The following HACL2 variants were observed in gnomAD, a reference collection of about 807,000 sequenced individuals.
The protein encoded by HACL2 is 2-hydroxyacyl-CoA lyase 1 like.
chr19:15,119,177 A>T, the HACL2 span: 1 of 1,570,402 alleles, frequency 6.4e-7, no homozygotes, highest in Non-Finnish European at 8.6e-7. Context: ...TGCTAGGACA[A>T]TGACATCCGC....
the HACL2 span, chr19:15,124,955 G>A: frequency 6.2e-7 from 1 of 1,608,038 alleles, no homozygotes; most frequent in Non-Finnish European, 8.5e-7. Context: ...AGAGCCCCAG[G>A]CGGTGAGCGG....
At chr19:15,125,319 C>T in the HACL2 span, 5 of 512,378 alleles carry the variant, frequency 9.8e-6, no homozygotes, top group Non-Finnish European at 6.9e-6. Context: ...CACTCCCACC[C>T]AAACTAGCCA....
the HACL2 span, among the ~76,000 whole-genome samples, chr19:15,122,421 G>A: frequency 6.6e-6 from 1 of 152,092 alleles, no homozygotes; most frequent in African/African-American, 2.4e-5. This position sits in a 1 kb window ranked among gnomAD's most constrained non-coding sequence, Gnocchi z 4.0. Context: ...AGAGATGATG[G>A]AGGAGGAGAA....
chr19:15,123,515 C>A, the HACL2 span: 2 of 1,614,174 alleles, frequency 1.2e-6, no homozygotes, highest in Non-Finnish European at 1.7e-6. The surrounding 1 kb of genome is among the most constrained non-coding windows in gnomAD (Gnocchi z 5.1). Context: ...GAACCGCACA[C>A]CATGGGCCCT....
the HACL2 span, chr19:15,115,409 C>T: frequency 1.2e-6 from 2 of 1,613,774 alleles, no homozygotes; most frequent in Non-Finnish European, 1.7e-6. Flanking sequence ...GGCCCCCAGA[C>T]CCATGGCTGC....
At chr19:15,119,326 G>C in the HACL2 span, 1 of 1,603,900 alleles carries the variant, frequency 6.2e-7, no homozygotes, top group Non-Finnish European at 8.5e-7. Context: ...CAGAGCAGAG[G>C]TCAGTGTGGC....
the HACL2 span, chr19:15,115,069 G>A: frequency 1.4e-6 from 1 of 690,850 alleles, no homozygotes; most frequent in Non-Finnish European, 2.5e-6. Context: ...TCCGTGAAGA[G>A]GAGGGTCCAA....
At chr19:15,115,721 G>A in the HACL2 span, 8 of 1,585,932 alleles carry the variant, frequency 5.0e-6, no homozygotes, top group East Asian at 1.6e-4. Flanking sequence ...CCATGGCTTG[G>A]CCAGCCAGAG....
the HACL2 span, chr19:15,119,419 G>A: frequency 1.4e-4 from 232 of 1,614,104 alleles, no homozygotes; most frequent in African/African-American, 2.3e-3. Flanking sequence ...GCTTCTCACC[G>A]AAGCTTGTCG....
At chr19:15,121,735 G>C in the HACL2 span, among the ~76,000 whole-genome samples, 1 of 150,142 alleles carries the variant, frequency 6.7e-6, no homozygotes, top group South Asian at 2.1e-4. Flanking sequence ...CTTGAACCCA[G>C]GGGGAGGCGG....
the HACL2 span, chr19:15,123,034 G>T: frequency 6.2e-7 from 1 of 1,605,858 alleles, no homozygotes. This position sits in a 1 kb window ranked among gnomAD's most constrained non-coding sequence, Gnocchi z 5.1. Context: ...CCCGGTTCTG[G>T]CAAAGACAGA....
chr19:15,115,543 C>T, the HACL2 span: 1 of 1,607,790 alleles, frequency 6.2e-7, no homozygotes. Flanking sequence ...CCTGTCCTCC[C>T]AACCTCGCTG....
the HACL2 span, chr19:15,124,008 C>T: frequency 5.9e-6 from 1 of 170,836 alleles, no homozygotes; most frequent in South Asian, 1.4e-4. Context: ...CCTCCAGTAT[C>T]CTTGCAGAGC....
chr19:15,117,770 G>A, the HACL2 span: 2 of 1,251,294 alleles, frequency 1.6e-6, no homozygotes, highest in Non-Finnish European at 2.3e-6. Flanking sequence ...TACCCCTAGG[G>A]CAAGGTCTGG....
the HACL2 span, chr19:15,116,560 T>C: frequency 6.6e-7 from 1 of 1,526,102 alleles, no homozygotes; most frequent in South Asian, 1.1e-5. Context: ...GGGAGCTGGC[T>C]TCCTCCTGTT....
the HACL2 span, chr19:15,116,430 G>C: frequency 6.2e-7 from 1 of 1,613,900 alleles, no homozygotes; most frequent in Non-Finnish European, 8.5e-7. Flanking sequence ...TCCTTCTGCC[G>C]GTCGGCTTCC....
chr19:15,122,803 A>T, the HACL2 span: 1 of 1,613,950 alleles, frequency 6.2e-7, no homozygotes, highest in African/African-American at 1.3e-5. This position sits in a 1 kb window ranked among gnomAD's most constrained non-coding sequence, Gnocchi z 4.0. Context: ...CAAACACCGG[A>T]CCTGCAGGGA....
the HACL2 span, chr19:15,115,666 T>C: frequency 1.2e-6 from 2 of 1,613,314 alleles, no homozygotes; most frequent in Non-Finnish European, 1.7e-6. Flanking sequence ...AGGCCATCAC[T>C]GGGATCTACA....
the HACL2 span, chr19:15,117,863 G>A: frequency 6.2e-7 from 1 of 1,613,792 alleles, no homozygotes; most frequent in Non-Finnish European, 8.5e-7. Context: ...ATGTGTACGG[G>A]GGGATTAAGG....
Sources: allele counts gnomAD v4.1 joint callset (sites outside exome capture counted in the v4.1 genomes callset), GRCh38; gene constraint gnomAD v4.1.1; non-coding constraint Gnocchi (gnomAD v3.1); transcripts MANE v1.5; gene names NCBI Gene and HGNC (gene_info 2026-07-23, HGNC 2026-07-21).